The following CUBN variants were observed in gnomAD, a reference collection of about 807,000 sequenced individuals.
CUBN encodes the protein cubilin.
CUBN carries 282 observed loss-of-function variants against 405.3 expected under a neutral mutation model. That is an observed-to-expected ratio of 0.70 (90% CI 0.63 to 0.77). CUBN has a LOEUF of 0.77. Among genes scored for constraint, CUBN ranks in the 30% least tolerant of loss-of-function variants. The probability of loss-of-function intolerance (pLI) is 0.00; values close to 1 mark genes in which losing one functional copy is unlikely to be tolerated. For synonymous variants in CUBN, 1,684 were observed against 1,617.0 expected (o/e 1.04, Z -0.99); for missense variants, 4,514 against 4,475.2 (o/e 1.01, Z -0.25).
chr10:16,903,070 T>C (rs1354620467), intron 51 of CUBN, among the ~76,000 whole-genome samples: 1 of 152,208 alleles, frequency 6.6e-6, no homozygotes, highest in African/African-American at 2.4e-5. Flanking sequence ...TAATACCCAT[T>C]ATATGTATAA....
chr10:17,017,534 T>G (rs1252389800), intron 28 of CUBN, among the ~76,000 whole-genome samples: 1 of 151,808 alleles, frequency 6.6e-6, no homozygotes, highest in African/African-American at 2.4e-5. Context: ...ATCTCCAGAG[T>G]TGGAAGAGTG....
intron 62 of CUBN, among the ~76,000 whole-genome samples, chr10:16,839,369 T>C (rs954315455): frequency 1.3e-5 from 2 of 152,080 alleles, no homozygotes; most frequent in African/African-American, 4.8e-5. Flanking sequence ...AATTATTTCA[T>C]CATGAAACAA....
chr10:17,096,051 A>C (rs189750857), intron 14 of CUBN, among the ~76,000 whole-genome samples: 90 of 152,236 alleles, frequency 5.9e-4, no homozygotes, highest in African/African-American at 2.0e-3. Flanking sequence ...CAAACACTGC[A>C]TGCTCTCGCT....
At chr10:16,946,886 G>T (rs1842800565) in intron 36 of CUBN, among the ~76,000 whole-genome samples, 1 of 152,038 alleles carries the variant, frequency 6.6e-6, no homozygotes, top group Non-Finnish European at 1.5e-5. Flanking sequence ...GAGATGGGAG[G>T]GCTCTGCTGG....
At position 16,940,204 on chromosome 10, in the gene CUBN, G is replaced by C. The variant is rs780576230; in HGVS notation, c.5376C>G (p.Ser1792Arg). The change falls in exon 37 of 67, where the codon AGC becomes AGG. Residue 1792 changes from serine (S) to arginine (R), a missense_variant. By Grantham distance (110) the Ser-to-Arg change is moderately radical (BLOSUM62 -1). This residue lies in a region of CUBN where 1,613 missense variants were observed against 1,542.8 expected (regional missense o/e 1.05). Coordinates refer to ENST00000377833, the MANE Select transcript of CUBN (RefSeq NM_001081.4). ...CTTCACGGATCTCCACAAAATCTCT[G>C]CTGCAGTCCTGAGAGTCTTCCAACT... ...SFQLEDSQDC[S>R]RDFVEIREGN... is the part of the protein sequence containing the mutation. 1 of 1,613,982 alleles carries C rather than the reference G, an allele frequency of 6.2e-7. No individual in the cohort carries two copies. Among genetic ancestry groups the C allele is most frequent in the East Asian group, 2.2e-5 (1 of 44,898 alleles).
At chr10:17,072,734 AG>A (rs1835768288) in intron 17 of CUBN, among the ~76,000 whole-genome samples, 2 of 152,222 alleles carry the variant, frequency 1.3e-5, no homozygotes, top group Admixed American at 6.5e-5. Flanking sequence ...AAGTCTAAAA[AG>A]AAAATAAATA....
intron 56 of CUBN, 88 bp downstream of exon 56, chr10:16,888,329 T>G (rs776436847): frequency 1.0e-4 from 108 of 1,047,636 alleles, no homozygotes; most frequent in Non-Finnish European, 1.5e-4. Flanking sequence ...CTCTACAACA[T>G]GTACATATGT....
intron 39 of CUBN, 87 bp downstream of exon 39, chr10:16,937,505 A>G: frequency 8.8e-7 from 1 of 1,134,150 alleles, no homozygotes; most frequent in Non-Finnish European, 1.3e-6. Context: ...TTATTTTTAT[A>G]TCTGACCCCT....
chr10:16,967,273 CT>C (rs1265589205), intron 31 of CUBN, among the ~76,000 whole-genome samples: 18 of 152,184 alleles, frequency 1.2e-4, no homozygotes, highest in Non-Finnish European at 2.5e-4. Context: ...GTCTTCACAT[CT>C]TACAAGAGAC....
At chr10:16,917,669 A>G (rs1841920379) in intron 45 of CUBN, among the ~76,000 whole-genome samples, 1 of 152,214 alleles carries the variant, frequency 6.6e-6, no homozygotes, top group Non-Finnish European at 1.5e-5. Flanking sequence ...CAAATAAGTT[A>G]GAGAAAATAT....
chr10:17,098,010 G>C (rs532081601), intron 14 of CUBN, among the ~76,000 whole-genome samples: 20 of 152,186 alleles, frequency 1.3e-4, no homozygotes, highest in African/African-American at 4.3e-4. Flanking sequence ...CCAAACATAG[G>C]CTGAAAAATT....
At chr10:17,063,426 A>G (rs1326577107) in intron 22 of CUBN, among the ~76,000 whole-genome samples, 3 of 152,198 alleles carry the variant, frequency 2.0e-5, no homozygotes, top group Non-Finnish European at 4.4e-5. Context: ...CACACAGGGA[A>G]GCCAGCTGGA....
intron 59 of CUBN, among the ~76,000 whole-genome samples, chr10:16,854,842 A>T (rs1373535338): frequency 6.6e-6 from 1 of 152,106 alleles, no homozygotes; most frequent in Non-Finnish European, 1.5e-5. Flanking sequence ...CCCCAGAACA[A>T]GCATCCTTAA....
rs183155844 is a variant in CUBN, at chr10:16,864,753, C to T, written c.9454+4883G>A. On this transcript the variant is annotated intron_variant, in intron 59 of 66. Transcript: ENST00000377833. ...ACAACCTTCACCTCCCAGGTTCAAG[C>T]GATTCTCCTGCCTCAGCCTCCCGAG... is the stretch of plus-strand genomic sequence containing the variant. Among the ~76,000 whole-genome samples the T allele has an allele frequency of 2.6e-3, 393 of 149,276 alleles. 1 individual carries two copies. Among genetic ancestry groups the T allele is most frequent in the African/African-American group, 8.5e-3 (343 of 40,544 alleles).
At chr10:16,956,387 T>C (rs988755526) in intron 31 of CUBN, among the ~76,000 whole-genome samples, 1 of 152,040 alleles carries the variant, frequency 6.6e-6, no homozygotes, top group East Asian at 1.9e-4. Context: ...TCAACAAAGA[T>C]TGATTAAAAA....
intron 64 of CUBN, 40 bp from the exon 65 acceptor site, chr10:16,831,457 T>G: frequency 6.5e-7 from 1 of 1,531,804 alleles, no homozygotes; most frequent in South Asian, 1.1e-5. Context: ...TTACACTTTC[T>G]TCTCTAAGGT....
chr10:16,919,426 T>G (rs1032074659), intron 44 of CUBN, among the ~76,000 whole-genome samples: 27 of 152,214 alleles, frequency 1.8e-4, no homozygotes, highest in African/African-American at 6.3e-4. Flanking sequence ...AGAAAAATGT[T>G]TTCTACGATC....
intron 43 of CUBN, among the ~76,000 whole-genome samples, chr10:16,924,808 C>A (rs1384300450): frequency 5.9e-5 from 9 of 151,816 alleles, no homozygotes; most frequent in African/African-American, 2.2e-4. Flanking sequence ...ATAATAGAAT[C>A]AAAAAATTAT....
intron 28 of CUBN, among the ~76,000 whole-genome samples, chr10:16,996,642 A>G (rs1027516720): frequency 6.6e-6 from 1 of 152,258 alleles, no homozygotes; most frequent in Admixed American, 6.5e-5. Context: ...GAGCTTTAAT[A>G]AAAGCAAACC....
Sources: allele counts gnomAD v4.1 joint callset (sites outside exome capture counted in the v4.1 genomes callset), GRCh38; gene constraint gnomAD v4.1.1; regional missense constraint gnomAD v4.1.1; transcripts MANE v1.5; gene names NCBI Gene and HGNC (gene_info 2026-07-23, HGNC 2026-07-21).